The following SOX5 variants were observed in gnomAD, a reference collection of about 807,000 sequenced individuals.
SOX5 encodes the protein SRY-box transcription factor 5.
A neutral mutation model predicts 92.0 loss-of-function variants in SOX5; 9 were observed. The ratio of observed to expected loss-of-function variants is 0.10; its 90% CI spans 0.06 to 0.17. The LOEUF (loss-of-function observed/expected upper bound fraction) is 0.17, where lower values mean the gene tolerates loss of function less well. Ranked by LOEUF, SOX5 falls within the 10% of genes least tolerant of loss-of-function variation. The probability of loss-of-function intolerance (pLI) is 1.00; values close to 1 mark genes in which losing one functional copy is unlikely to be tolerated. For synonymous variants in SOX5, 344 were observed against 336.3 expected (o/e 1.02, Z -0.25); for missense variants, 642 against 944.5 (o/e 0.68, Z 4.20).
Position 24,306,900 on chromosome 12 carries a change from G to A in SOX5, c.-173-29588C>T, listed in dbSNP as rs1221033856. Among the ~76,000 whole-genome samples the A allele has an allele frequency of 2.6e-5, 4 of 152,212 alleles. No individual in the cohort carries two copies. The South Asian group carries it at 6.2e-4, about 24-fold the overall frequency. The stretch of plus-strand genomic sequence containing the variant: ...GAGAGAACACAGCTGGAGACACTGG[G>A]CAGCCTGTTCCCTCCACCAAATTAT... On this transcript the variant is annotated intron_variant, in intron 2 of 4. Transcript: ENST00000446891.
chr12:24,513,058 C>T lies in SOX5; in HGVS notation c.-251+49271G>A, dbSNP rs1682674114. Among the ~76,000 whole-genome samples, 3 of 152,206 alleles carry T rather than the reference C, an allele frequency of 2.0e-5. No homozygotes were observed. The South Asian group carries it at 6.2e-4, about 31-fold the overall frequency. ...CTACTGATATGTGGTACCATACTCT[C>T]TCATGGTGCTGGGCAGTAGCAGTGA... On this transcript the variant is annotated intron_variant, in intron 1 of 4. Coordinates refer to the SOX5 transcript ENST00000446891.
At chr12:23,836,677 T>G (rs2096419022) in intron 3 of SOX5, among the ~76,000 whole-genome samples, 1 of 151,888 alleles carries the variant, frequency 6.6e-6, no homozygotes, top group Non-Finnish European at 1.5e-5. Context: ...AAATCTGTGT[T>G]CCCCACCTCC....
chr12:24,369,124 G>A lies in SOX5; in HGVS notation c.-250-485C>T, dbSNP rs186650560. The stretch of plus-strand genomic sequence containing the variant: ...CATGCTGTCTGACACACAGTATACC[G>A]TCTTCATCTTCCCCCTTCCCTCCTC... On this transcript the variant is annotated intron_variant, in intron 1 of 4. Transcript: ENST00000446891. 2.7e-4 allele frequency among the ~76,000 whole-genome samples: 41 copies of A among 152,276 alleles called. No individual in the cohort carries two copies. The South Asian group carries it at 6.2e-3, about 23-fold the overall frequency.
intron 3 of SOX5, among the ~76,000 whole-genome samples, chr12:24,242,648 C>A (rs990269056): frequency 1.1e-4 from 17 of 149,614 alleles, no homozygotes; most frequent in African/African-American, 3.9e-4. Context: ...AATAAGATAT[C>A]ACTTTTCAAC....
intron 1 of SOX5, among the ~76,000 whole-genome samples, chr12:23,929,894 C>T (rs180725814): frequency 6.6e-6 from 1 of 151,846 alleles, no homozygotes; most frequent in Non-Finnish European, 1.5e-5. Flanking sequence ...ATAATAACAA[C>T]AGTTTAATCA....
chr12:24,477,847 T>C (rs1448212434), intron 1 of SOX5, among the ~76,000 whole-genome samples: 1 of 152,094 alleles, frequency 6.6e-6, no homozygotes, highest in East Asian at 1.9e-4. Flanking sequence ...CATTTAGATA[T>C]ATATAATTTA....
chr12:24,357,302 G>C (rs1288366097), intron 2 of SOX5: 6 of 152,156 alleles, frequency 3.9e-5, no homozygotes. Context: ...CCTCTTCCTT[G>C]CTGCATGCCT....
intron 4 of SOX5, among the ~76,000 whole-genome samples, chr12:24,005,484 C>T (rs1277300798): frequency 6.6e-6 from 1 of 152,150 alleles, no homozygotes; most frequent in Non-Finnish European, 1.5e-5. Flanking sequence ...TTTGCATCTA[C>T]AATTCTCTCT....
chr12:23,919,291 T>C (rs2097455325), intron 1 of SOX5, among the ~76,000 whole-genome samples: 1 of 152,116 alleles, frequency 6.6e-6, no homozygotes, highest in Non-Finnish European at 1.5e-5. Flanking sequence ...AAAATCTGGA[T>C]TTTTATGAGG....
intron 4 of SOX5, among the ~76,000 whole-genome samples, chr12:23,748,080 A>T (rs370331820): frequency 6.6e-6 from 1 of 151,962 alleles, no homozygotes; most frequent in Non-Finnish European, 1.5e-5. Context: ...CTCACTTTCT[A>T]TCACATCACC....
At chr12:23,542,044 A>C (rs1942170481) in intron 13 of SOX5, among the ~76,000 whole-genome samples, 1 of 152,020 alleles carries the variant, frequency 6.6e-6, no homozygotes, top group Admixed American at 6.6e-5. Flanking sequence ...CGGGAGGCGG[A>C]GGTTGCAGTG....
chr12:23,939,006 A>G (rs947882535), intron 1 of SOX5, among the ~76,000 whole-genome samples: 7 of 151,074 alleles, frequency 4.6e-5, no homozygotes, highest in East Asian at 3.9e-4. Flanking sequence ...AAAAATCTGA[A>G]TGCAGTAGCT....
chr12:24,369,967 T>C (rs984620425), intron 1 of SOX5, among the ~76,000 whole-genome samples: 1 of 152,234 alleles, frequency 6.6e-6, no homozygotes, highest in Non-Finnish European at 1.5e-5. Flanking sequence ...TATATCCCAT[T>C]GCTTATTTTT....
chr12:23,626,671 C>CTTTTTTTTT (rs370910356), intron 8 of SOX5, among the ~76,000 whole-genome samples: 73 of 116,478 alleles, frequency 6.3e-4, no homozygotes, highest in South Asian at 1.3e-3. Context: ...TTCATTAGTG[C>CTTTTTTTTT]TTTTTTTTTT....
At chr12:23,891,982 C>T (rs1211812342) in intron 2 of SOX5, among the ~76,000 whole-genome samples, 1 of 152,004 alleles carries the variant, frequency 6.6e-6, no homozygotes, top group Non-Finnish European at 1.5e-5. Context: ...AACATATTTA[C>T]TCATCCATGT....
At chr12:24,549,082 A>C (rs1952915897) in intron 1 of SOX5, among the ~76,000 whole-genome samples, 1 of 151,940 alleles carries the variant, frequency 6.6e-6, no homozygotes, top group Non-Finnish European at 1.5e-5. Flanking sequence ...TATTCCTTTC[A>C]CCTTGAAAGA....
At chr12:24,161,433 AC>A (rs1164204074) in intron 4 of SOX5, among the ~76,000 whole-genome samples, 1 of 152,108 alleles carries the variant, frequency 6.6e-6, no homozygotes, top group African/African-American at 2.4e-5. Context: ...CTCTGAATAT[AC>A]CCATAGGATC....
chr12:24,264,615 G>C (rs565122584), intron 3 of SOX5, among the ~76,000 whole-genome samples: 1 of 151,984 alleles, frequency 6.6e-6, no homozygotes, highest in African/African-American at 2.4e-5. Flanking sequence ...GCATCCTTTC[G>C]TTAGAATAAT....
chr12:24,432,088 G>C (rs1938459205), intron 1 of SOX5, among the ~76,000 whole-genome samples: 1 of 152,086 alleles, frequency 6.6e-6, no homozygotes, highest in African/African-American at 2.4e-5. Flanking sequence ...TGGCAGACTG[G>C]GGACACTGGG....
Sources: gnomAD v4.1 joint callset for allele counts (sites outside exome capture counted in the v4.1 genomes callset) on GRCh38, gnomAD v4.1.1 for gene constraint, MANE v1.5 for transcripts, NCBI Gene and HGNC (gene_info 2026-07-23, HGNC 2026-07-21) for gene names.